The following SQSTM1 variants were observed in gnomAD, a reference collection of about 807,000 sequenced individuals.
SQSTM1 encodes sequestosome 1.
A neutral mutation model predicts 45.1 loss-of-function variants in SQSTM1; 36 were observed. The ratio of observed to expected loss-of-function variants is 0.80; its 90% CI spans 0.61 to 1.05. SQSTM1 has a LOEUF of 1.05. SQSTM1 is among the 50% of genes least tolerant of loss of function. The pLI is 0.00. For synonymous variants in SQSTM1, 290 were observed against 244.3 expected, an observed-to-expected ratio of 1.19 and a Z score of -1.74; for missense variants, 617 against 607.1, an observed-to-expected ratio of 1.02 and a Z score of -0.17.
At chr5:179,834,520 G>T (rs1294626639) in intron 7 of SQSTM1, among the ~76,000 whole-genome samples, 1 of 151,754 alleles carries the variant, frequency 6.6e-6, no homozygotes, top group Non-Finnish European at 1.5e-5. Context: ...ATAAACAAGT[G>T]AACAAAGGTC....
At chr5:179,809,654 T>G (rs1341690344) in intron 1 of SQSTM1, among the ~76,000 whole-genome samples, 1 of 141,060 alleles carries the variant, frequency 7.1e-6, no homozygotes, top group Non-Finnish European at 1.5e-5. Context: ...TTTTTTTTTT[T>G]TTTTTTTGAA....
intron 5 of SQSTM1, among the ~76,000 whole-genome samples, chr5:179,828,971 A>AAG (rs965425212): frequency 3.3e-5 from 5 of 152,100 alleles, no homozygotes; most frequent in African/African-American, 1.2e-4. Flanking sequence ...GGTGAGAAGG[A>AAG]AGACCATCTG....
At chr5:179,831,553 T>C (rs973632997) in intron 5 of SQSTM1, among the ~76,000 whole-genome samples, 1 of 151,930 alleles carries the variant, frequency 6.6e-6, no homozygotes, top group African/African-American at 2.4e-5. Context: ...TCCCAGCTAC[T>C]CGGGAGGCTG....
upstream of SQSTM1, chr5:179,820,847 C>G (rs1757744662): frequency 8.7e-6 from 11 of 1,257,372 alleles, no homozygotes; most frequent in South Asian, 1.4e-4. Context: ...CCGCCCCTCT[C>G]GAGGCGGGGC....
chr5:179,821,795 G>T, intron 1 of SQSTM1: 1 of 312,126 alleles, frequency 3.2e-6, no homozygotes, highest in Non-Finnish European at 6.3e-6. Context: ...GTTTCCTGCT[G>T]CGCTGGTGTG....
chr5:179,824,686 C>A (rs1168252484), intron 4 of SQSTM1, among the ~76,000 whole-genome samples: 1 of 152,192 alleles, frequency 6.6e-6, no homozygotes, highest in Admixed American at 6.5e-5. Flanking sequence ...GCCAAAGTTG[C>A]TGAAGTCCTT....
chr5:179,820,746 A>G (rs1168475988), upstream of SQSTM1: 3 of 494,770 alleles, frequency 6.1e-6, no homozygotes, highest in African/African-American at 6.2e-5. Context: ...AGCGAGGGGT[A>G]GCGGGGAAGG....
Position 179,837,269 on chromosome 5 carries a change from A to C in SQSTM1, c.*676A>C. 6.2e-7 allele frequency: 1 copy of C among 1,606,054 alleles called. No individual in the cohort carries two copies. Among genetic ancestry groups the C allele is most frequent in the Non-Finnish European group, 8.5e-7 (1 of 1,179,012 alleles). ...ACTTTAACCAATGACGTTTGCATAG[A>C]GAGAAATGATTGACAGTAAGTTTAT... On this transcript the variant is annotated 3_prime_UTR_variant, in exon 8 of 8. Transcript: ENST00000389805.
In SQSTM1 at chr5:179,806,667, G is replaced by A. The variant is rs1271711939; in HGVS notation, c.-157+76G>A. On this transcript the variant is annotated intron_variant, in intron 1 of 5. Coordinates refer to the SQSTM1 transcript ENST00000514093. The surrounding 1 kb of genome is among the most constrained non-coding windows in gnomAD (Gnocchi z 4.6). Reference sequence around the variant, plus strand: ...GGCCGGGGCGCAGGGGTCGGAAGGCGGCGGCGGCGGCGGCAGGGGCCCCGG... The same window carrying A: ...GGCCGGGGCGCAGGGGTCGGAAGGCAGCGGCGGCGGCGGCAGGGGCCCCGG... The A allele has an allele frequency of 4.7e-6, 3 of 633,112 alleles. No individual in the cohort carries two copies. Among genetic ancestry groups the A allele is most frequent in the South Asian group, 6.6e-5 (1 of 15,192 alleles). The allele number at this position is 633,112 out of a possible 1,614,324, so 39.2% of individuals were successfully genotyped here. A position where few individuals can be genotyped will look rare whatever the true frequency, so the allele number is the denominator to read the frequency against.
upstream of SQSTM1, chr5:179,820,738 C>T: frequency 1.2e-5 from 6 of 492,020 alleles, no homozygotes; most frequent in South Asian, 1.6e-4. Context: ...AGACCTGGAG[C>T]GAGGGGTAGC....
Position 179,837,180 on chromosome 5 carries a change from A to AAAAT in SQSTM1, c.*590_*593dup, listed in dbSNP as rs1158109291. 2.6e-6 allele frequency: 4 copies of AAAAT among 1,517,458 alleles called. No homozygotes were observed. Among genetic ancestry groups the AAAAT allele is most frequent in the East Asian group, 4.8e-5 (2 of 41,452 alleles). 94.0% of individuals were successfully genotyped at this position (1,517,458 alleles called of 1,614,324 possible). A position where few individuals can be genotyped will look rare whatever the true frequency, so the allele number is the denominator to read the frequency against. On this transcript the variant is annotated 3_prime_UTR_variant, in exon 8 of 8. Coordinates refer to ENST00000389805, the MANE Select transcript of SQSTM1 (RefSeq NM_003900.5). ...CATTTCCAAACCATCAGCTGCTTTT[A>AAAAT]AAATAAGATCTCTTTGTAGCCATCC... is the stretch of plus-strand genomic sequence containing the variant.
At position 179,834,169 on chromosome 5, in the gene SQSTM1, A is replaced by G. The variant is rs545369035; in HGVS notation, c.1165+387A>G. On this transcript the variant is annotated intron_variant, in intron 7 of 7. Coordinates refer to ENST00000389805, the MANE Select transcript of SQSTM1 (RefSeq NM_003900.5). ...TGCTGGTCTGAGAGGGGGGGGGGTC[A>G]TAGCCAAGATCCCTGTAGGAGCCAG... Among the ~76,000 whole-genome samples the G allele has an allele frequency of 2.9e-3, 352 of 123,304 alleles. 4 individuals are homozygous for G. The highest frequency in any genetic ancestry group is 0.01 in the African/African-American group (311 of 30,706). The allele number at this position is 123,304 out of a possible 152,430, so 80.9% of individuals were successfully genotyped here. A position where few individuals can be genotyped will look rare whatever the true frequency, so the allele number is the denominator to read the frequency against.
At chr5:179,836,252 GA>G (rs1458999334) in intron 7 of SQSTM1, 183 bp from the exon 8 acceptor site, 1 of 764,744 alleles carries the variant, frequency 1.3e-6, no homozygotes, top group Admixed American at 2.1e-5. Flanking sequence ...TGAGCAGTGT[GA>G]AAAAGACTGC....
intron 5 of SQSTM1, 41 bp from the exon 6 acceptor site, chr5:179,832,990 TG>T: frequency 1.2e-6 from 2 of 1,607,678 alleles, no homozygotes; most frequent in Non-Finnish European, 1.7e-6. Context: ...GGTGCATCCT[TG>T]GGGGAACTTC....
At chr5:179,816,472 A>G (rs962633977), upstream of SQSTM1, among the ~76,000 whole-genome samples, 1 of 152,168 alleles carries the variant, frequency 6.6e-6, no homozygotes, top group African/African-American at 2.4e-5. Context: ...CGATGGCAGC[A>G]GGTGGAGGGG....
At chr5:179,817,092 C>T (rs1187293644), upstream of SQSTM1, among the ~76,000 whole-genome samples, 2 of 138,764 alleles carry the variant, frequency 1.4e-5, no homozygotes, top group Admixed American at 1.4e-4. Flanking sequence ...GGAGCCGCGC[C>T]GGGGGCCGGG....
chr5:179,816,342 G>T (rs560649706), upstream of SQSTM1, among the ~76,000 whole-genome samples: 2 of 152,308 alleles, frequency 1.3e-5, no homozygotes, highest in East Asian at 3.9e-4. Flanking sequence ...TACAGATGGG[G>T]TTTCACTCTG....
At chr5:179,832,980 G>C in intron 5 of SQSTM1, 52 bp from the exon 6 acceptor site, 2 of 1,591,434 alleles carry the variant, frequency 1.3e-6, no homozygotes, top group East Asian at 2.2e-5. Context: ...CCTGCTTGCA[G>C]GTGCATCCTT....
chr5:179,830,712 C>T (rs1344264808), intron 5 of SQSTM1, among the ~76,000 whole-genome samples: 1 of 152,104 alleles, frequency 6.6e-6, no homozygotes, highest in East Asian at 1.9e-4. Flanking sequence ...CACCCGCCAC[C>T]ATGCCTGGCT....
Sources: gnomAD v4.1 joint callset for allele counts (sites outside exome capture counted in the v4.1 genomes callset) on GRCh38, gnomAD v4.1.1 for gene constraint, Gnocchi (gnomAD v3.1) non-coding constraint, MANE v1.5 for transcripts, NCBI Gene and HGNC (gene_info 2026-07-23, HGNC 2026-07-21) for gene names.